LARGE1: variants seen among roughly 807,000 people sequenced by gnomAD.
LARGE1 encodes the protein LARGE xylosyl- and glucuronyltransferase 1.
LARGE1 carries 43 observed loss-of-function variants against 87.6 expected under a neutral mutation model. The observed-to-expected ratio is 0.49, with a 90% CI of 0.38 to 0.63. The LOEUF (loss-of-function observed/expected upper bound fraction) is 0.63. LARGE1 is among the 30% of genes least tolerant of loss of function. LARGE1 has a pLI of 0.00. For missense variants in LARGE1, 802 were observed against 1,000.2 expected, an observed-to-expected ratio of 0.80 and a Z score of 2.67; for synonymous variants, 434 against 394.6, an observed-to-expected ratio of 1.10 and a Z score of -1.18.
intron 1 of LARGE1, among the ~76,000 whole-genome samples, chr22:33,852,085 C>G (rs1363647861): frequency 6.6e-6 from 1 of 152,334 alleles, no homozygotes. Flanking sequence ...GCTATTAGAG[C>G]CAGGCTGGCT....
At chr22:33,375,072 G>C (rs1050906777) in intron 9 of LARGE1, among the ~76,000 whole-genome samples, 2 of 152,136 alleles carry the variant, frequency 1.3e-5, no homozygotes, top group African/African-American at 4.8e-5. Flanking sequence ...ATGAATTCAT[G>C]AAACTACTAA....
intron 5 of LARGE1, among the ~76,000 whole-genome samples, chr22:33,598,075 T>C (rs1035101143): frequency 1.3e-5 from 2 of 152,148 alleles, no homozygotes; most frequent in Non-Finnish European, 2.9e-5. Context: ...AGAAGGAACC[T>C]GCCCCCATCA....
intron 2 of LARGE1, among the ~76,000 whole-genome samples, chr22:33,659,757 A>AG (rs201801118): frequency 0.012 from 1,830 of 151,384 alleles, 39 homozygotes; most frequent in African/African-American, 0.043. Flanking sequence ...AAAAAAAAAA[A>AG]AAAAAAGGAG....
At chr22:33,826,603 A>G (rs1051943515) in intron 1 of LARGE1, among the ~76,000 whole-genome samples, 1 of 151,958 alleles carries the variant, frequency 6.6e-6, no homozygotes, top group African/African-American at 2.4e-5. Context: ...GGCCTCCCCA[A>G]ATGCTGAGAT....
At chr22:33,644,628 G>A (rs918941719) in intron 3 of LARGE1, among the ~76,000 whole-genome samples, 46 of 152,266 alleles carry the variant, frequency 3.0e-4, no homozygotes, top group Middle Eastern at 6.8e-3. Flanking sequence ...AATTCTCTCT[G>A]TTTGCAGATG....
intron 11 of LARGE1, among the ~76,000 whole-genome samples, chr22:33,172,908 G>T (rs1922654780): frequency 6.6e-6 from 1 of 152,214 alleles, no homozygotes; most frequent in South Asian, 2.1e-4. Flanking sequence ...GTGACAGGGA[G>T]AATGGAACCA....
chr22:33,274,315 T>C lies in LARGE1; in HGVS notation c.*112A>G. 1 of 1,199,858 alleles carries C rather than the reference T, an allele frequency of 8.3e-7. No homozygotes were observed. Among genetic ancestry groups the C allele is most frequent in the Admixed American group, 1.7e-5 (1 of 58,694 alleles). The allele number at this position is 1,199,858 out of a possible 1,614,324, so 74.3% of individuals were successfully genotyped here. ...AGCTTGGCTGGGCCAAAGAGATAAA[T>C]AAAAACAAACCGAAAAAGCATGGCT... On this transcript the variant is annotated 3_prime_UTR_variant, in exon 15 of 15. Coordinates refer to ENST00000397394, the MANE Select transcript of LARGE1 (RefSeq NM_133642.5).
At chr22:33,534,159 CT>C (rs2076975282) in intron 6 of LARGE1, among the ~76,000 whole-genome samples, 1 of 151,756 alleles carries the variant, frequency 6.6e-6, no homozygotes. Flanking sequence ...AATCCCAGCA[CT>C]TTGGGAGGCC....
chr22:33,244,470 T>C (rs1428132659), intron 11 of LARGE1, among the ~76,000 whole-genome samples: 1 of 152,194 alleles, frequency 6.6e-6, no homozygotes, highest in Non-Finnish European at 1.5e-5. Flanking sequence ...TGACTTTTTA[T>C]GCTCCCTGAA....
intron 7 of LARGE1, among the ~76,000 whole-genome samples, chr22:33,421,980 A>C (rs1376455461): frequency 1.3e-5 from 2 of 152,366 alleles, no homozygotes; most frequent in East Asian, 3.9e-4. Context: ...AGTGGAGAGA[A>C]GTAGCCCATG....
intron 2 of LARGE1, among the ~76,000 whole-genome samples, chr22:33,708,982 T>C (rs1013149581): frequency 3.3e-5 from 5 of 152,132 alleles, no homozygotes; most frequent in Admixed American, 3.3e-4. Context: ...TTCCTCTGTA[T>C]CTGTGTCCTA....
chr22:33,105,022 A>G, the LARGE1 span, among the ~76,000 whole-genome samples: 1 of 131,078 alleles, frequency 7.6e-6, no homozygotes. Context: ...TTTTTTGATG[A>G]AGTCTTGCTC....
chr22:33,651,853 T>C (rs189965624), intron 2 of LARGE1, among the ~76,000 whole-genome samples: 8 of 152,316 alleles, frequency 5.3e-5, no homozygotes, highest in Admixed American at 3.9e-4. Flanking sequence ...CAACACTCCA[T>C]GTAACAATCA....
At chr22:33,125,628 A>G in the LARGE1 span, among the ~76,000 whole-genome samples, 1 of 152,130 alleles carries the variant, frequency 6.6e-6, no homozygotes, top group East Asian at 1.9e-4. Flanking sequence ...TGTATTTTTA[A>G]TAGAGATGGA....
At chr22:33,609,913 C>CT (rs1165740552) in intron 4 of LARGE1, among the ~76,000 whole-genome samples, 1 of 151,758 alleles carries the variant, frequency 6.6e-6, no homozygotes, top group Non-Finnish European at 1.5e-5. Context: ...AAGAGTTTCT[C>CT]TTTTTTTAAA....
chr22:33,411,903 T>A (rs914396728), intron 7 of LARGE1, among the ~76,000 whole-genome samples: 4 of 152,228 alleles, frequency 2.6e-5, no homozygotes, highest in African/African-American at 9.6e-5. Flanking sequence ...TATGCATATA[T>A]ACAGAGAAAT....
At chr22:33,657,154 G>C (rs957911092) in intron 2 of LARGE1, 1 of 152,246 alleles carries the variant, frequency 6.6e-6, no homozygotes, top group South Asian at 2.1e-4. Flanking sequence ...GACCCTTTCA[G>C]GGGTGACAGA....
intron 6 of LARGE1, among the ~76,000 whole-genome samples, chr22:33,448,478 T>A (rs576240410): frequency 1.2e-4 from 18 of 152,318 alleles, no homozygotes; most frequent in African/African-American, 3.1e-4. Flanking sequence ...ACATAGTTTA[T>A]CCTATTTAAT....
chr22:33,096,284 T>C, the LARGE1 span, among the ~76,000 whole-genome samples: 60 of 151,912 alleles, frequency 3.9e-4, 3 homozygotes, highest in East Asian at 0.011. Context: ...GGCATGGTAG[T>C]GCATGCCTGT....
Sources: allele counts gnomAD v4.1 joint callset (sites outside exome capture counted in the v4.1 genomes callset), GRCh38; gene constraint gnomAD v4.1.1; transcripts MANE v1.5; gene names NCBI Gene and HGNC (gene_info 2026-07-23, HGNC 2026-07-21).